ANK2: variants seen among roughly 807,000 people sequenced by gnomAD.
The protein encoded by ANK2 is ankyrin-2.
ANK2 carries 83 observed loss-of-function variants against 360.5 expected under a neutral mutation model. The ratio of observed to expected loss-of-function variants is 0.23; its 90% CI spans 0.19 to 0.28. The LOEUF is 0.28. Among genes scored for constraint, ANK2 ranks in the 10% least tolerant of loss-of-function variants. The probability of loss-of-function intolerance (pLI) is 1.00; values close to 1 mark genes in which losing one functional copy is unlikely to be tolerated. For synonymous variants in ANK2, 1,740 were observed against 1,759.5 expected, an observed-to-expected ratio of 0.99 and a Z score of 0.28; for missense variants, 4,201 against 4,795.7, an observed-to-expected ratio of 0.88 and a Z score of 3.66.
At chr4:113,301,481 G>T (rs1294090105) in intron 22 of ANK2, among the ~76,000 whole-genome samples, 1 of 150,968 alleles carries the variant, frequency 6.6e-6, no homozygotes, top group African/African-American at 2.4e-5. Flanking sequence ...TTTTTTTTGT[G>T]ATGAGCGCAC....
At chr4:112,751,501 G>A in the ANK2 span, among the ~76,000 whole-genome samples, 2 of 152,138 alleles carry the variant, frequency 1.3e-5, no homozygotes, top group African/African-American at 4.8e-5. Context: ...ACTTCACTAA[G>A]TTCAAAGAAA....
chr4:113,246,281 A>G (rs2153587730), intron 9 of ANK2, among the ~76,000 whole-genome samples: 1 of 152,276 alleles, frequency 6.6e-6, no homozygotes, highest in South Asian at 2.1e-4. Flanking sequence ...GAATAGCAAG[A>G]TCTAGAGAGG....
At chr4:113,154,218 A>T (rs530140427) in intron 1 of ANK2, among the ~76,000 whole-genome samples, 1 of 152,190 alleles carries the variant, frequency 6.6e-6, no homozygotes, top group African/African-American at 2.4e-5. Context: ...TTAAACCATA[A>T]CACTTAGAAT....
chr4:112,957,211 T>C (rs1006134209), intron 2 of ANK2, among the ~76,000 whole-genome samples: 10 of 151,516 alleles, frequency 6.6e-5, no homozygotes, highest in Admixed American at 3.9e-4. Flanking sequence ...GGAGTGGTGA[T>C]GACTCTTAAC....
chr4:112,827,078 C>T (rs558716936), intron 1 of ANK2: 2 of 1,162,260 alleles, frequency 1.7e-6, no homozygotes, highest in Non-Finnish European at 2.6e-6. Flanking sequence ...ATCACCCATG[C>T]AACACAGGAA....
At chr4:113,094,769 G>C (rs570529317) in intron 1 of ANK2, among the ~76,000 whole-genome samples, 1 of 152,276 alleles carries the variant, frequency 6.6e-6, no homozygotes, top group South Asian at 2.1e-4. Flanking sequence ...TGGAATGTCA[G>C]AACCAGATTT....
At chr4:112,760,669 T>C in the ANK2 span, among the ~76,000 whole-genome samples, 3 of 152,148 alleles carry the variant, frequency 2.0e-5, no homozygotes, top group African/African-American at 7.2e-5. Flanking sequence ...ATTAGGTATA[T>C]CTCCTAATGC....
In ANK2 at chr4:113,274,579, C is replaced by G. The variant is rs753139159; in HGVS notation, c.1613C>G (p.Ala538Gly). The change falls in exon 15 of 46, where the codon GCC becomes GGC. Residue 538 changes from alanine (A) to glycine (G), a missense_variant. Coordinates refer to ENST00000357077, the MANE Select transcript of ANK2 (RefSeq NM_001148.6). The stretch of plus-strand genomic sequence containing the variant: ...GGGTACACACCACTGCACATCTCTG[C>G]CCGGGAGGGCCAGGTGGATGTGGCA... ...TNGYTPLHIS[A>G]REGQVDVASV... 1 of 1,614,204 alleles carries G rather than the reference C, an allele frequency of 6.2e-7. No individual in the cohort carries two copies. Among genetic ancestry groups the G allele is most frequent in the Non-Finnish European group, 8.5e-7 (1 of 1,180,028 alleles).
intron 2 of ANK2, among the ~76,000 whole-genome samples, chr4:112,928,083 A>G (rs2092779156): frequency 6.6e-6 from 1 of 152,226 alleles, no homozygotes. Context: ...ATAAAAAGAA[A>G]CATTTACCAA....
chr4:112,762,543 A>G, the ANK2 span, among the ~76,000 whole-genome samples: 4 of 152,214 alleles, frequency 2.6e-5, no homozygotes. Context: ...ACAGAGTCTC[A>G]CTGTCACGTA....
intron 1 of ANK2, among the ~76,000 whole-genome samples, chr4:113,056,024 C>G (rs2069608605): frequency 1.3e-5 from 2 of 152,152 alleles, no homozygotes; most frequent in African/African-American, 2.4e-5. Context: ...AAGCAGCATT[C>G]CCAAAAGAAG....
chr4:112,879,204 C>G (rs1412926132), intron 1 of ANK2, among the ~76,000 whole-genome samples: 5 of 152,192 alleles, frequency 3.3e-5, no homozygotes, highest in Non-Finnish European at 5.9e-5. Flanking sequence ...TGAGTCCCCC[C>G]ACCAACATTG....
At chr4:113,200,664 T>C (rs1046654549) in intron 4 of ANK2, among the ~76,000 whole-genome samples, 1 of 152,240 alleles carries the variant, frequency 6.6e-6, no homozygotes, top group Non-Finnish European at 1.5e-5. Flanking sequence ...AATTTCATTC[T>C]CTTTTATAGC....
chr4:112,915,963 A>T (rs552087078), intron 2 of ANK2, among the ~76,000 whole-genome samples: 34 of 152,224 alleles, frequency 2.2e-4, no homozygotes, highest in African/African-American at 7.5e-4. Flanking sequence ...TAAAAAATTA[A>T]TATATGCAAA....
chr4:113,233,106 G>GTTTTTTTTTT lies in ANK2; in HGVS notation c.483+884_483+893dup, dbSNP rs1156385030. On this transcript the variant is annotated intron_variant, in intron 5 of 45. Coordinates refer to ENST00000357077, the MANE Select transcript of ANK2 (RefSeq NM_001148.6). The stretch of plus-strand genomic sequence containing the variant: ...CAGAGTATATGGGCTTGGCTTTTCT[G>GTTTTTTTTTT]TTTTTTTTTTTTTTTTTTTTTTTTT... Among the ~76,000 whole-genome samples the GTTTTTTTTTT allele has an allele frequency of 3.1e-4, 25 of 79,680 alleles. 3 individuals carry two copies. Among genetic ancestry groups the GTTTTTTTTTT allele is most frequent in the Non-Finnish European group, 4.3e-4 (17 of 39,842 alleles). 52.3% of individuals were successfully genotyped at this position (79,680 alleles called of 152,430 possible).
At chr4:112,857,036 A>T (rs2066607599) in intron 1 of ANK2, among the ~76,000 whole-genome samples, 1 of 149,304 alleles carries the variant, frequency 6.7e-6, no homozygotes, top group Admixed American at 6.7e-5. Context: ...GAAGAATTTG[A>T]TCAGATATCA....
intron 2 of ANK2, among the ~76,000 whole-genome samples, chr4:113,190,075 C>G (rs1386994619): frequency 2.0e-5 from 3 of 151,556 alleles, no homozygotes; most frequent in African/African-American, 7.3e-5. Context: ...AATTTTGTTA[C>G]TGTAAAAAAA....
At chr4:112,754,111 GTATATATATATATATATATATATA>G in the ANK2 span, among the ~76,000 whole-genome samples, 1 of 111,476 alleles carries the variant, frequency 9.0e-6, no homozygotes, top group African/African-American at 3.6e-5. Context: ...AAAAAAAAAA[GTATATATATATATATATATATATA>G]TATATATATA....
At position 113,357,895 on chromosome 4, in the gene ANK2, A is replaced by C. The variant is rs562092294; in HGVS notation, c.9277A>C (p.Thr3093Pro). 6.2e-7 allele frequency: 1 copy of C among 1,614,060 alleles called. No individual in the cohort carries two copies. Among genetic ancestry groups the C allele is most frequent in the Admixed American group, 1.7e-5 (1 of 60,018 alleles). Residue 3093 changes from threonine to proline, a missense_variant, in exon 38 of 46, where the codon ACC becomes CCC. Thr to Pro is a conservative substitution (Grantham distance 38, BLOSUM62 -1). Around this residue, in one of 4 missense-constraint regions of ANK2, gnomAD observed 2,642 missense variants for 2,714.5 expected, o/e 0.97. Coordinates refer to ENST00000357077, the MANE Select transcript of ANK2 (RefSeq NM_001148.6). ...TPARTPTEEG[T>P]PTSEQNPFLF... ...TGCTAGGACCCCAACTGAAGAGGGG[A>C]CCCCAACAAGTGAGCAAAACCCATT...
Sources: allele counts gnomAD v4.1 joint callset (sites outside exome capture counted in the v4.1 genomes callset), GRCh38; gene constraint gnomAD v4.1.1; regional missense constraint gnomAD v4.1.1; transcripts MANE v1.5; gene names NCBI Gene and HGNC (gene_info 2026-07-23, HGNC 2026-07-21).